The following FSTL4 variants were observed in gnomAD, a reference collection of about 807,000 sequenced individuals.
FSTL4 encodes the protein follistatin like 4.
Under a neutral mutation model 78.2 loss-of-function variants are expected in FSTL4, and 28 were observed. The ratio of observed to expected loss-of-function variants is 0.36; its 90% CI spans 0.27 to 0.49. FSTL4 has a LOEUF of 0.49. FSTL4 is among the 20% of genes least tolerant of loss of function. The pLI is 0.98. For missense variants in FSTL4, 922 were observed against 1,084.9 expected, an observed-to-expected ratio of 0.85 and a Z score of 2.11; for synonymous variants, 422 against 440.5, an observed-to-expected ratio of 0.96 and a Z score of 0.53.
the FSTL4 span, among the ~76,000 whole-genome samples, chr5:133,771,037 G>T: frequency 1.3e-5 from 2 of 152,002 alleles, no homozygotes; most frequent in Non-Finnish European, 2.9e-5. Flanking sequence ...GATTGTAAGA[G>T]GGTGGCTTTA....
the FSTL4 span, among the ~76,000 whole-genome samples, chr5:133,623,763 G>C: frequency 1.3e-5 from 2 of 151,914 alleles, no homozygotes; most frequent in East Asian, 3.8e-4. Context: ...ATAAGAACTT[G>C]CATGACTCAA....
intron 13 of FSTL4, among the ~76,000 whole-genome samples, chr5:133,212,625 G>A (rs1750769625): frequency 6.6e-6 from 1 of 152,118 alleles, no homozygotes. Context: ...CCAATGGAAA[G>A]AATGGAAAGT....
intron 3 of FSTL4, among the ~76,000 whole-genome samples, chr5:133,438,775 T>G (rs1407890001): frequency 6.6e-6 from 1 of 152,214 alleles, no homozygotes; most frequent in Non-Finnish European, 1.5e-5. Context: ...AAATTTGATT[T>G]TGAGGATGAG....
chr5:133,704,398 A>G, the FSTL4 span, among the ~76,000 whole-genome samples: 2,279 of 152,316 alleles, frequency 0.015, 34 homozygotes, highest in Non-Finnish European at 0.02. Context: ...TATGGTTCCC[A>G]TGTCTCCCTA....
chr5:133,833,132 C>T, the FSTL4 span, among the ~76,000 whole-genome samples: 9 of 152,190 alleles, frequency 5.9e-5, no homozygotes, highest in East Asian at 3.8e-4. Flanking sequence ...GCTCTGTCAT[C>T]GGTCCAGGTC....
chr5:133,225,366 G>C lies in FSTL4; in HGVS notation c.1178-82C>G. On this transcript the variant is annotated intron_variant, in intron 9 of 15. Coordinates refer to ENST00000265342, the MANE Select transcript of FSTL4 (RefSeq NM_015082.2). This position sits in a 1 kb window ranked among gnomAD's most constrained non-coding sequence, Gnocchi z 4.6. Reference sequence around the variant, plus strand: ...CTTTATGGGGCCATTGAGAGTGTTAGGGCTGCCCAGCCCCTGGGCAGCCAG... The same window carrying C: ...CTTTATGGGGCCATTGAGAGTGTTACGGCTGCCCAGCCCCTGGGCAGCCAG... The C allele has an allele frequency of 2.6e-6, 4 of 1,549,688 alleles. No homozygotes were observed. The highest frequency in any genetic ancestry group is 3.5e-6 in the Non-Finnish European group (4 of 1,128,392).
chr5:133,711,351 C>T, the FSTL4 span, among the ~76,000 whole-genome samples: 2 of 152,172 alleles, frequency 1.3e-5, no homozygotes, highest in Non-Finnish European at 2.9e-5. Flanking sequence ...CAGCCTGACT[C>T]AGGAGCCTGC....
At chr5:133,246,460 C>T (rs944667811) in intron 7 of FSTL4, 1 of 152,328 alleles carries the variant, frequency 6.6e-6, no homozygotes, top group East Asian at 1.9e-4. Context: ...GTGCCAGGCA[C>T]TGAGCTGGGT....
chr5:133,796,196 G>A, the FSTL4 span, among the ~76,000 whole-genome samples: 1 of 152,232 alleles, frequency 6.6e-6, no homozygotes, highest in Admixed American at 6.5e-5. Context: ...ATGCGACAGG[G>A]GTGTAGCTCA....
chr5:133,362,697 CA>C (rs1755097813), intron 4 of FSTL4, among the ~76,000 whole-genome samples: 3 of 152,238 alleles, frequency 2.0e-5, no homozygotes, highest in Non-Finnish European at 4.4e-5. Context: ...CTGTCCAGAG[CA>C]GGCAAAAGAA....
chr5:133,211,522 C>T (rs1385499899), intron 13 of FSTL4, among the ~76,000 whole-genome samples: 6 of 152,254 alleles, frequency 3.9e-5, no homozygotes, highest in South Asian at 4.2e-4. Context: ...CTAGTCTCTC[C>T]GATGAGGGGG....
chr5:133,691,743 G>A, the FSTL4 span, among the ~76,000 whole-genome samples: 3 of 151,946 alleles, frequency 2.0e-5, no homozygotes, highest in African/African-American at 7.3e-5. Context: ...CACAAGAGGT[G>A]CTCTGTAAAT....
chr5:133,257,071 C>T (rs58151957), intron 6 of FSTL4, among the ~76,000 whole-genome samples: 7,102 of 152,218 alleles, frequency 0.047, 277 homozygotes, highest in African/African-American at 0.11. Context: ...ATGCCTACCA[C>T]GCAGAAGGGA....
At chr5:133,481,736 T>C (rs1274343137) in intron 3 of FSTL4, among the ~76,000 whole-genome samples, 2 of 152,126 alleles carry the variant, frequency 1.3e-5, no homozygotes, top group Non-Finnish European at 2.9e-5. Flanking sequence ...CCTACCTACA[T>C]GGAGCTTACA....
At chr5:133,201,879 G>A (rs1581519769) in intron 15 of FSTL4, 54 bp downstream of exon 15, 3 of 1,018,954 alleles carry the variant, frequency 2.9e-6, no homozygotes, top group Non-Finnish European at 4.5e-6. Context: ...GCTGCCCCTT[G>A]CAGGGCTGAG....
the FSTL4 span, among the ~76,000 whole-genome samples, chr5:133,697,621 A>G: frequency 1.3e-5 from 2 of 152,254 alleles, no homozygotes; most frequent in African/African-American, 4.8e-5. Context: ...TTATAAAGTC[A>G]ATCTGAAATG....
chr5:133,488,606 C>T (rs2112865694), intron 3 of FSTL4, among the ~76,000 whole-genome samples: 1 of 152,312 alleles, frequency 6.6e-6, no homozygotes, highest in East Asian at 1.9e-4. Flanking sequence ...GGGACATGTC[C>T]TTTCATGTGT....
At chr5:133,838,882 C>T in the FSTL4 span, among the ~76,000 whole-genome samples, 1 of 152,180 alleles carries the variant, frequency 6.6e-6, no homozygotes, top group African/African-American at 2.4e-5. Context: ...GTCAATGTCT[C>T]CCTGTAAGGA....
intron 6 of FSTL4, among the ~76,000 whole-genome samples, chr5:133,278,845 A>G (rs1213811312): frequency 1.3e-5 from 2 of 152,232 alleles, no homozygotes; most frequent in Non-Finnish European, 2.9e-5. Context: ...CTTCAAGACA[A>G]TCTGATCCCC....
Sources: gnomAD v4.1 joint callset for allele counts (sites outside exome capture counted in the v4.1 genomes callset) on GRCh38, gnomAD v4.1.1 for gene constraint, Gnocchi (gnomAD v3.1) non-coding constraint, MANE v1.5 for transcripts, NCBI Gene and HGNC (gene_info 2026-07-23, HGNC 2026-07-21) for gene names.